Variants in PLCG2 observed in about 807,000 individuals in gnomAD.
The protein encoded by PLCG2 is phospholipase C gamma 2.
A neutral mutation model predicts 175.6 loss-of-function variants in PLCG2; 69 were observed. The ratio of observed to expected loss-of-function variants is 0.39; its 90% CI spans 0.32 to 0.48. PLCG2 has a LOEUF of 0.48. Among genes scored for constraint, PLCG2 ranks in the 20% least tolerant of loss-of-function variants. The pLI is 0.91. For missense variants in PLCG2, 1,798 were observed against 1,650.9 expected, an observed-to-expected ratio of 1.09 and a Z score of -1.54; for synonymous variants, 827 against 624.0, an observed-to-expected ratio of 1.33 and a Z score of -4.85.
At chr16:81,792,506 A>AAAAAAAAAAAAAAAAAAAAAAC (rs1911283832) in intron 2 of PLCG2, among the ~76,000 whole-genome samples, 1 of 144,762 alleles carries the variant, frequency 6.9e-6, no homozygotes, top group Non-Finnish European at 1.5e-5. Flanking sequence ...AAAAAAAAAA[A>AAAAAAAAAAAAAAAAAAAAAAC]AAAAAGACAA....
intron 2 of PLCG2, among the ~76,000 whole-genome samples, chr16:81,758,825 A>G (rs889118928): frequency 1.3e-5 from 2 of 151,930 alleles, no homozygotes; most frequent in African/African-American, 4.8e-5. Flanking sequence ...TTACAGGTGC[A>G]CACCACCATG....
chr16:81,743,113 C>T (rs1191515249), intron 1 of PLCG2, among the ~76,000 whole-genome samples: 1 of 151,868 alleles, frequency 6.6e-6, no homozygotes, highest in Non-Finnish European at 1.5e-5. Context: ...CCAGCCTGGG[C>T]AACATAGTGA....
At chr16:81,752,019 C>A (rs1741310014) in intron 1 of PLCG2, among the ~76,000 whole-genome samples, 1 of 151,512 alleles carries the variant, frequency 6.6e-6, no homozygotes, top group East Asian at 1.9e-4. Context: ...AAGAGTCTAT[C>A]TCAAAAAATA....
intron 2 of PLCG2, among the ~76,000 whole-genome samples, chr16:81,793,795 A>C (rs185749455): frequency 1.1e-4 from 16 of 152,232 alleles, no homozygotes; most frequent in Admixed American, 3.9e-4. Flanking sequence ...GTGAAGGGGG[A>C]GCTATCCCTG....
At chr16:81,906,105 T>C (rs1306078722) in intron 15 of PLCG2, 3 of 152,274 alleles carry the variant, frequency 2.0e-5, no homozygotes, top group Non-Finnish European at 1.5e-5. Context: ...TACATAACCA[T>C]AGTATAATTA....
At chr16:81,957,784 T>G (rs1456746063) in intron 32 of PLCG2, among the ~76,000 whole-genome samples, 172 bp from the exon 33 acceptor site, 1 of 152,130 alleles carries the variant, frequency 6.6e-6, no homozygotes, top group East Asian at 1.9e-4. Flanking sequence ...ATTTAACCTC[T>G]CTGAGTCTCA....
At chr16:81,743,729 C>A (rs1434087541) in intron 1 of PLCG2, among the ~76,000 whole-genome samples, 1 of 152,190 alleles carries the variant, frequency 6.6e-6, no homozygotes, top group East Asian at 1.9e-4. Flanking sequence ...AGGTGAGGCC[C>A]ATCCCAAGGG....
intron 14 of PLCG2, 127 bp downstream of exon 14, chr16:81,900,907 A>C (rs1289703681): frequency 3.9e-6 from 3 of 761,130 alleles, no homozygotes; most frequent in Non-Finnish European, 6.3e-6. Context: ...CACAGGCTCA[A>C]ATCTGCTCTC....
chr16:81,922,561 C>G (rs1419079044), intron 21 of PLCG2, among the ~76,000 whole-genome samples: 1 of 152,216 alleles, frequency 6.6e-6, no homozygotes, highest in Non-Finnish European at 1.5e-5. Flanking sequence ...ATTCCCATTT[C>G]ACAGACGGGG....
At chr16:81,802,427 C>T (rs776946230) in intron 2 of PLCG2, among the ~76,000 whole-genome samples, 13 of 151,414 alleles carry the variant, frequency 8.6e-5, no homozygotes, top group Non-Finnish European at 1.6e-4. Context: ...TGGGTACAGT[C>T]TTATTCATGT....
At chr16:81,909,108 G>A (rs1237007342) in intron 17 of PLCG2, among the ~76,000 whole-genome samples, 16 of 152,232 alleles carry the variant, frequency 1.1e-4, no homozygotes, top group Admixed American at 1.0e-3. Flanking sequence ...CTTCTTGAGG[G>A]CGTGCCCTGT....
intron 2 of PLCG2, among the ~76,000 whole-genome samples, chr16:81,814,865 C>G (rs1315768013): frequency 6.6e-6 from 1 of 152,154 alleles, no homozygotes; most frequent in African/African-American, 2.4e-5. Context: ...ATGATCCTCT[C>G]CCCATAGAGT....
chr16:81,818,547 C>T (rs567790395), intron 2 of PLCG2, among the ~76,000 whole-genome samples: 255 of 152,108 alleles, frequency 1.7e-3, no homozygotes, highest in African/African-American at 5.9e-3. Context: ...AATGGAGCTC[C>T]GAAGGCCTGA....
intron 1 of PLCG2, among the ~76,000 whole-genome samples, chr16:81,783,865 G>T (rs1219063355): frequency 6.6e-6 from 1 of 152,032 alleles, no homozygotes. Flanking sequence ...CTGCCTCCTA[G>T]CCTTTGCTTA....
chr16:81,957,001 G>C (rs1011081383), intron 32 of PLCG2, 122 bp downstream of exon 32: 3 of 620,706 alleles, frequency 4.8e-6, no homozygotes, highest in Non-Finnish European at 4.8e-6. Flanking sequence ...TCCTTGGCCG[G>C]GCATGGTGGC....
At chr16:81,828,533 C>CG (rs1456137218) in intron 2 of PLCG2, among the ~76,000 whole-genome samples, 5 of 152,098 alleles carry the variant, frequency 3.3e-5, no homozygotes, top group African/African-American at 1.2e-4. Flanking sequence ...CCACCGCACC[C>CG]GGCCGAGAAG....
chr16:81,807,162 CGTGGTGATTCAT>C (rs1438895527), intron 2 of PLCG2, among the ~76,000 whole-genome samples: 1 of 152,124 alleles, frequency 6.6e-6, no homozygotes, highest in East Asian at 1.9e-4. Context: ...TCTTGTTGAA[CGTGGTGATTCAT>C]GTGGTGATTT....
In PLCG2 at chr16:81,940,079, A is replaced by T; in HGVS notation, c.3481+20A>T. On this transcript the variant is annotated intron_variant, in intron 30 of 32. Coordinates refer to ENST00000564138, the MANE Select transcript of PLCG2 (RefSeq NM_002661.5). ...AATCAGGTAAGAGGCATTTTAATTAAGATGTTCGATTTGGGCTGGCGTTGT... is the reference window on the plus strand; with the variant it reads ...AATCAGGTAAGAGGCATTTTAATTATGATGTTCGATTTGGGCTGGCGTTGT... 6.3e-7 allele frequency: 1 copy of T among 1,591,228 alleles called. No homozygotes were observed. Among genetic ancestry groups the T allele is most frequent in the South Asian group, 1.1e-5 (1 of 90,464 alleles).
At chr16:81,919,834 G>C (rs886390311) in intron 20 of PLCG2, among the ~76,000 whole-genome samples, 170 bp downstream of exon 20, 1 of 152,336 alleles carries the variant, frequency 6.6e-6, no homozygotes. Flanking sequence ...GCTGCTTATA[G>C]TGTAGTGTTG....
Sources: allele counts gnomAD v4.1 joint callset (sites outside exome capture counted in the v4.1 genomes callset), GRCh38; gene constraint gnomAD v4.1.1; transcripts MANE v1.5; gene names NCBI Gene and HGNC (gene_info 2026-07-23, HGNC 2026-07-21).